CAMTA1: variants seen among roughly 807,000 people sequenced by gnomAD.
The protein encoded by CAMTA1 is calmodulin binding transcription activator 1.
CAMTA1 carries 27 observed loss-of-function variants against 170.9 expected under a neutral mutation model. The ratio of observed to expected loss-of-function variants is 0.16; its 90% CI spans 0.12 to 0.22. The LOEUF (loss-of-function observed/expected upper bound fraction) is 0.22, where lower values mean the gene tolerates loss of function less well. CAMTA1 is among the 10% of genes least tolerant of loss of function. CAMTA1 has a pLI of 1.00. For missense variants in CAMTA1, 1,619 were observed against 2,217.2 expected (o/e 0.73, Z 5.42); for synonymous variants, 833 against 891.5 (o/e 0.93, Z 1.17).
chr1:7,620,690 G>A (rs904420185), intron 6 of CAMTA1, among the ~76,000 whole-genome samples: 20 of 152,132 alleles, frequency 1.3e-4, no homozygotes, highest in African/African-American at 4.6e-4. Context: ...ATAAATGTGG[G>A]TTAGAAGGAG....
rs2096204079 is a variant in CAMTA1 at position 7,681,398 on chromosome 1, T to A, written c.2914+3665T>A. On this transcript the variant is annotated intron_variant, in intron 11 of 22. Transcript: ENST00000303635. The surrounding 1 kb of genome is among the most constrained non-coding windows in gnomAD (Gnocchi z 4.6). The stretch of plus-strand genomic sequence containing the variant: ...AGGGTTAGCCCGGGAAGAGGGGGCA[T>A]CAAGGGTGGCAGGAGAGGGAATGAG... Among the ~76,000 whole-genome samples, 2 of 152,174 alleles carry A rather than the reference T, an allele frequency of 1.3e-5. No individual in the cohort carries two copies. Among genetic ancestry groups the A allele is most frequent in the South Asian group, 4.1e-4 (2 of 4,828 alleles).
At chr1:7,177,124 G>A (rs1461433375) in intron 4 of CAMTA1, among the ~76,000 whole-genome samples, 1 of 134,756 alleles carries the variant, frequency 7.4e-6, no homozygotes, top group Admixed American at 7.3e-5. Context: ...CCCACCCATG[G>A]AGGCTCCTCC....
At chr1:7,594,200 GGGAA>G (rs56904420) in intron 6 of CAMTA1, among the ~76,000 whole-genome samples, 9,934 of 113,626 alleles carry the variant, frequency 0.087, 540 homozygotes, top group Admixed American at 0.22. Context: ...AAGGAGGGAG[GGGAA>G]GGAAGGAAGG....
chr1:7,632,134 T>C (rs1172502444), intron 6 of CAMTA1, among the ~76,000 whole-genome samples: 4 of 152,194 alleles, frequency 2.6e-5, no homozygotes, highest in Non-Finnish European at 5.9e-5. Context: ...TCATTAAGCA[T>C]CCAGGTGCAG....
chr1:7,470,729 A>T (rs551152342), intron 6 of CAMTA1, among the ~76,000 whole-genome samples: 1 of 152,322 alleles, frequency 6.6e-6, no homozygotes, highest in Non-Finnish European at 1.5e-5. Context: ...TTCTCCAAGG[A>T]ATAGCACCCA....
chr1:7,573,176 G>T (rs1324434700), intron 6 of CAMTA1, among the ~76,000 whole-genome samples: 1 of 152,196 alleles, frequency 6.6e-6, no homozygotes, highest in African/African-American at 2.4e-5. Context: ...ACTGGGGAAA[G>T]AAAAACCTGG....
chr1:7,225,728 G>A (rs761495813), intron 4 of CAMTA1, among the ~76,000 whole-genome samples: 37 of 152,330 alleles, frequency 2.4e-4, no homozygotes, highest in Non-Finnish European at 3.8e-4. Flanking sequence ...GGTCACAGGC[G>A]CATGATCATA....
chr1:7,097,625 C>G (rs776837375), intron 4 of CAMTA1, among the ~76,000 whole-genome samples: 4 of 152,176 alleles, frequency 2.6e-5, no homozygotes, highest in Non-Finnish European at 5.9e-5. Flanking sequence ...TAAGGCTGCT[C>G]GAGTGACTGG....
At chr1:7,188,396 A>G (rs189481929) in intron 4 of CAMTA1, among the ~76,000 whole-genome samples, 12 of 152,334 alleles carry the variant, frequency 7.9e-5, no homozygotes, top group Admixed American at 5.2e-4. Flanking sequence ...TTGTTCGACC[A>G]TAACTACTAT....
rs1438917619 is a variant in CAMTA1, at chr1:7,195,004, G to A, written c.303-54487G>A. ...CGTGGAGCATCTCATGGACTAAAAC[G>A]TGGTAAATTGTCAAACTTCTCAGAG... On this transcript the variant is annotated intron_variant, in intron 4 of 22. Coordinates refer to ENST00000303635, the MANE Select transcript of CAMTA1 (RefSeq NM_015215.4). This position sits in a 1 kb window ranked among gnomAD's most constrained non-coding sequence, Gnocchi z 4.1. Among the ~76,000 whole-genome samples the A allele has an allele frequency of 6.6e-6, 1 of 152,198 alleles. No individual in the cohort carries two copies. Among genetic ancestry groups the A allele is most frequent in the Admixed American group, 6.5e-5 (1 of 15,278 alleles).
At chr1:7,062,110 G>A (rs745636859) in intron 3 of CAMTA1, among the ~76,000 whole-genome samples, 1 of 152,016 alleles carries the variant, frequency 6.6e-6, no homozygotes, top group Non-Finnish European at 1.5e-5. Flanking sequence ...TAGAGACGGG[G>A]TTTTGCCATG....
intron 6 of CAMTA1, among the ~76,000 whole-genome samples, chr1:7,531,969 C>G (rs1410583345): frequency 2.0e-5 from 3 of 152,062 alleles, no homozygotes; most frequent in Non-Finnish European, 4.4e-5. Flanking sequence ...CAAAATGCCC[C>G]AAACTGCTGG....
chr1:7,713,134 AGAGT>A (rs1342560295), intron 11 of CAMTA1, among the ~76,000 whole-genome samples: 2 of 152,198 alleles, frequency 1.3e-5, no homozygotes, highest in African/African-American at 2.4e-5. Context: ...CTGACCACAC[AGAGT>A]GAGTGAGGGA....
rs537919421 is a variant in CAMTA1, at chr1:6,925,344, A to T, written c.234+100134A>T. ...GTCATGGGGTTACACGTGTCCTCAC[A>T]CTGTGCCTCGTGCAAAAAAAGGGTC... On this transcript the variant is annotated intron_variant, in intron 3 of 22. Coordinates refer to ENST00000303635, the MANE Select transcript of CAMTA1 (RefSeq NM_015215.4). 1.9e-3 allele frequency among the ~76,000 whole-genome samples: 289 copies of T among 152,264 alleles called. 1 individual carries two copies. The highest frequency in any genetic ancestry group is 6.5e-3 in the African/African-American group (270 of 41,566).
intron 1 of CAMTA1, among the ~76,000 whole-genome samples, chr1:6,812,751 A>AC (rs1645330501): frequency 6.6e-6 from 1 of 152,250 alleles, no homozygotes; most frequent in Non-Finnish European, 1.5e-5. Context: ...AACATGCTTT[A>AC]CGTGCATCTC....
intron 3 of CAMTA1, among the ~76,000 whole-genome samples, chr1:6,955,030 C>G (rs143173836): frequency 1.3e-5 from 2 of 152,046 alleles, no homozygotes; most frequent in Non-Finnish European, 2.9e-5. Flanking sequence ...TGTCTCCGGA[C>G]CTTCAATTTT....
rs189099239 is a variant in CAMTA1, at chr1:6,849,745, T to C, written c.234+24535T>C. Among the ~76,000 whole-genome samples the C allele has an allele frequency of 2.6e-5, 4 of 152,138 alleles. No individual in the cohort carries two copies. The East Asian group carries it at 5.8e-4, about 22-fold the overall frequency. ...CAATTGGCTTACCACTTAAAAAATA[T>C]TAGGTTAGGCCGGATGTGGTGGCAC... On this transcript the variant is annotated intron_variant, in intron 3 of 22. Coordinates refer to ENST00000303635, the MANE Select transcript of CAMTA1 (RefSeq NM_015215.4).
At position 7,460,629 on chromosome 1, in the gene CAMTA1, C is replaced by T. The variant is rs114934156; in HGVS notation, c.439-7201C>T. 1.0e-3 allele frequency among the ~76,000 whole-genome samples: 154 copies of T among 151,800 alleles called. 1 individual carries two copies. The highest frequency in any genetic ancestry group is 1.8e-3 in the Non-Finnish European group (122 of 67,934). The stretch of plus-strand genomic sequence containing the variant: ...CCCCAGCCTGCCCCCAGTTCTGCCT[C>T]TCACCTGCTCCTGTCCCCTCATTGC... On this transcript the variant is annotated intron_variant, in intron 5 of 22. Transcript: ENST00000303635.
chr1:6,957,215 C>T (rs1311114467), intron 3 of CAMTA1, among the ~76,000 whole-genome samples: 8 of 152,146 alleles, frequency 5.3e-5, no homozygotes, highest in Non-Finnish European at 1.0e-4. Flanking sequence ...GCTCTTACCC[C>T]ACCCCAGCCT....
Sources: gnomAD v4.1 joint callset for allele counts (sites outside exome capture counted in the v4.1 genomes callset) on GRCh38, gnomAD v4.1.1 for gene constraint, Gnocchi (gnomAD v3.1) non-coding constraint, MANE v1.5 for transcripts, NCBI Gene and HGNC (gene_info 2026-07-23, HGNC 2026-07-21) for gene names.